The following HMCN1 variants were observed in gnomAD, a reference collection of about 807,000 sequenced individuals.
HMCN1 encodes hemicentin 1.
In HMCN1, 321 loss-of-function variants were observed where a neutral mutation model predicts 625.9. The observed-to-expected ratio is 0.51, with a 90% CI of 0.47 to 0.56. HMCN1 has a LOEUF of 0.56. Ranked by LOEUF, HMCN1 falls within the 20% of genes least tolerant of loss-of-function variation. The probability of loss-of-function intolerance (pLI) is 0.00; values close to 1 mark genes in which losing one functional copy is unlikely to be tolerated. For missense variants in HMCN1, 6,588 were observed against 6,887.3 expected (o/e 0.96, Z 1.54); for synonymous variants, 2,425 against 2,417.6 (o/e 1.00, Z -0.09).
At position 186,041,108 on chromosome 1, in the gene HMCN1, G is replaced by A. The variant is rs756230845; in HGVS notation, c.6276G>A (p.Lys2092=). 1 of 1,612,890 alleles carries A rather than the reference G, an allele frequency of 6.2e-7. No homozygotes were observed. The highest frequency in any genetic ancestry group is 8.5e-7 in the Non-Finnish European group (1 of 1,179,144). Residue 2092 remains lysine (K), a synonymous_variant, in exon 40 of 107, where the codon AAG becomes AAA. Transcript: ENST00000271588. ...TGGCAGTGAATGCTGCTGGAGAAAA[G>A]CAAAGGGACATTGACCTCCGAGTAT... ...TCVAVNAAGE[K]QRDIDLRVYV...
chr1:186,066,214 A>G (rs550589676), intron 49 of HMCN1, among the ~76,000 whole-genome samples: 1 of 152,248 alleles, frequency 6.6e-6, no homozygotes, highest in East Asian at 1.9e-4. Context: ...TATAAATTGA[A>G]ACTTATAAAT....
At position 186,137,492 on chromosome 1, in the gene HMCN1, T is replaced by C; in HGVS notation, c.13583-6T>C. The stretch of plus-strand genomic sequence containing the variant: ...GCTTAGACAAAGTACAATGTTTTAT[T>C]TGCAGTTCATGGTGGATTTTCCCAG... On this transcript the variant is annotated splice_region_variant and splice_polypyrimidine_tract_variant and intron_variant, in intron 87 of 106. Coordinates refer to ENST00000271588, the MANE Select transcript of HMCN1 (RefSeq NM_031935.3). 6.2e-7 allele frequency: 1 copy of C among 1,612,928 alleles called. No individual in the cohort carries two copies. The highest frequency in any genetic ancestry group is 1.3e-5 in the African/African-American group (1 of 75,044).
chr1:185,790,052 C>T (rs928175454), intron 1 of HMCN1, among the ~76,000 whole-genome samples: 1 of 152,200 alleles, frequency 6.6e-6, no homozygotes, highest in Non-Finnish European at 1.5e-5. Context: ...TGCAAACAGT[C>T]TGTCCTGTCA....
intron 104 of HMCN1, among the ~76,000 whole-genome samples, chr1:186,181,194 C>T (rs961202938): frequency 3.9e-5 from 6 of 152,114 alleles, no homozygotes; most frequent in African/African-American, 1.4e-4. Context: ...TAAAAACTCA[C>T]ACAAGTCATA....
chr1:186,094,389 A>G lies in HMCN1; in HGVS notation c.10294+16A>G. On this transcript the variant is annotated intron_variant, in intron 67 of 106. Transcript: ENST00000271588. The stretch of plus-strand genomic sequence containing the variant: ...CAAGTGTTTGGTATGTGTCACAGAA[A>G]TGACCCTATTACTTTGCTATGTCAA... The G allele has an allele frequency of 6.3e-7, 1 of 1,576,400 alleles. No individual in the cohort carries two copies. The highest frequency in any genetic ancestry group is 8.7e-7 in the Non-Finnish European group (1 of 1,145,984).
intron 1 of HMCN1, among the ~76,000 whole-genome samples, chr1:185,749,854 AT>A (rs1198577770): frequency 6.6e-6 from 1 of 152,056 alleles, no homozygotes; most frequent in Non-Finnish European, 1.5e-5. Flanking sequence ...TGGCCTCTTT[AT>A]TATTTCTTAC....
Position 186,119,733 on chromosome 1 carries a change from G to GT in HMCN1, c.11957-5dup, listed in dbSNP as rs773009224. 4 of 1,613,562 alleles carry GT rather than the reference G, an allele frequency of 2.5e-6. No individual in the cohort carries two copies. The highest frequency in any genetic ancestry group is 3.4e-6 in the Non-Finnish European group (4 of 1,179,680). On this transcript the variant is annotated splice_polypyrimidine_tract_variant and intron_variant, in intron 78 of 106. Transcript: ENST00000271588. ...TGCTATTACTTCTTTTTGTTGATTG[G>GT]TTTTTTTATAGAGCCTCCAGTCATT...
chr1:185,770,644 T>C (rs1485706857), intron 1 of HMCN1, among the ~76,000 whole-genome samples: 2 of 152,198 alleles, frequency 1.3e-5, no homozygotes, highest in Non-Finnish European at 2.9e-5. Flanking sequence ...GTAATGTCTC[T>C]TCAGCCCAAT....
chr1:185,865,836 C>T lies in HMCN1; in HGVS notation c.594C>T (p.Phe198=). The T allele has an allele frequency of 6.2e-7, 1 of 1,612,988 alleles. No homozygotes were observed. The highest frequency in any genetic ancestry group is 1.1e-5 in the South Asian group (1 of 91,040). ...CCTCTACAAGTTCTGGTCAAGTGTT[C>T]CATCTGGACAAAAAACAAGTTAATG... ...EIASTSSGQV[F]HLDKKQVNEV... Residue 198 remains phenylalanine, a synonymous_variant, in exon 4 of 107, where the codon TTC becomes TTT. Coordinates refer to ENST00000271588, the MANE Select transcript of HMCN1 (RefSeq NM_031935.3).
At chr1:185,772,251 A>G (rs2102149194) in intron 1 of HMCN1, among the ~76,000 whole-genome samples, 1 of 152,298 alleles carries the variant, frequency 6.6e-6, no homozygotes, top group South Asian at 2.1e-4. Context: ...ACCATAAAAT[A>G]GTTTTAAGTT....
At chr1:186,027,889 A>G (rs923512091) in intron 36 of HMCN1, among the ~76,000 whole-genome samples, 1 of 152,104 alleles carries the variant, frequency 6.6e-6, no homozygotes, top group African/African-American at 2.4e-5. Flanking sequence ...CACCCACTCA[A>G]AAATGGTTCC....
rs1450670261 is a variant in HMCN1, at chr1:186,137,887, C to T, written c.13839C>T (p.Cys4613=). 3.7e-6 allele frequency: 6 copies of T among 1,614,034 alleles called. No individual in the cohort carries two copies. Among genetic ancestry groups the T allele is most frequent in the Non-Finnish European group, 5.1e-6 (6 of 1,179,964 alleles). Residue 4613 remains cysteine (C), a synonymous_variant, in exon 89 of 107, where the codon TGC becomes TGT. Coordinates refer to ENST00000271588, the MANE Select transcript of HMCN1 (RefSeq NM_031935.3). ...GRGNQTRTRT[C]NNPSVQHGGR... is the part of the protein sequence containing the mutation. The stretch of plus-strand genomic sequence containing the variant: ...GCAACCAAACCAGGACCAGGACTTG[C>T]AATAATCCATCAGTTCAGCATGGTG...
chr1:185,871,517 A>G (rs1186447541), intron 4 of HMCN1, among the ~76,000 whole-genome samples: 1 of 152,192 alleles, frequency 6.6e-6, no homozygotes, highest in Non-Finnish European at 1.5e-5. Context: ...ATTTTTATTT[A>G]GTGATACATG....
At chr1:185,792,974 C>T (rs1658103975) in intron 1 of HMCN1, among the ~76,000 whole-genome samples, 1 of 152,166 alleles carries the variant, frequency 6.6e-6, no homozygotes, top group African/African-American at 2.4e-5. Context: ...CAAGAATAAA[C>T]TATCTAGTGT....
intron 97 of HMCN1, among the ~76,000 whole-genome samples, chr1:186,164,170 C>A (rs1266636764): frequency 1.3e-5 from 2 of 151,786 alleles, no homozygotes; most frequent in African/African-American, 2.4e-5. Flanking sequence ...GACTTGGATG[C>A]TTTCAGGAAA....
intron 93 of HMCN1, among the ~76,000 whole-genome samples, chr1:186,147,266 ACTTC>A (rs1650371259): frequency 1.3e-5 from 2 of 151,964 alleles, no homozygotes; most frequent in South Asian, 4.1e-4. Context: ...CTTTATTTTT[ACTTC>A]CTTCTCAAAC....
rs757774354 is a variant in HMCN1, at chr1:186,069,751, A to G, written c.7968A>G (p.Ile2656Met). The change falls in exon 51 of 107, where the codon ATA becomes ATG. Residue 2656 changes from isoleucine to methionine, a missense_variant. Physicochemically the swap from Ile to Met is conservative, Grantham distance 10. This residue lies in a region of HMCN1 where 4,628 missense variants were observed against 4,853.1 expected (regional missense o/e 0.95). Coordinates refer to ENST00000271588, the MANE Select transcript of HMCN1 (RefSeq NM_031935.3). ...CVATNEAGEM[I>M]KHYEVKVYIP... ...CCACGAATGAGGCTGGAGAAATGATAAAGCACTATGAAGTGAAGGTGTACA... is the reference window on the plus strand; with the variant it reads ...CCACGAATGAGGCTGGAGAAATGATGAAGCACTATGAAGTGAAGGTGTACA... The G allele has an allele frequency of 2.2e-5, 35 of 1,612,462 alleles. No homozygotes were observed. The Admixed American group carries it at 5.8e-4, about 27-fold the overall frequency.
intron 105 of HMCN1, among the ~76,000 whole-genome samples, chr1:186,186,937 G>T (rs1251574695): frequency 6.7e-6 from 1 of 149,170 alleles, no homozygotes; most frequent in Non-Finnish European, 1.5e-5. Context: ...TGAACTCCAT[G>T]GACCCTCTTT....
At chr1:186,014,613 T>C (rs973560461) in intron 30 of HMCN1, among the ~76,000 whole-genome samples, 2 of 152,068 alleles carry the variant, frequency 1.3e-5, no homozygotes, top group East Asian at 1.9e-4. Context: ...GAGATATACA[T>C]GTAGACAATT....
Sources: gnomAD v4.1 joint callset for allele counts (sites outside exome capture counted in the v4.1 genomes callset) on GRCh38, gnomAD v4.1.1 for gene constraint, gnomAD v4.1.1 regional missense constraint, MANE v1.5 for transcripts, NCBI Gene and HGNC (gene_info 2026-07-23, HGNC 2026-07-21) for gene names.